IWS1: variants seen among roughly 807,000 people sequenced by gnomAD.
IWS1 encodes the protein interacts with SUPT6H, CTD assembly factor 1.
Under a neutral mutation model 86.7 loss-of-function variants are expected in IWS1, and 27 were observed. The observed-to-expected ratio is 0.31, with a 90% CI of 0.23 to 0.43. The LOEUF (loss-of-function observed/expected upper bound fraction) is 0.43, where lower values mean the gene tolerates loss of function less well. Among genes scored for constraint, IWS1 ranks in the 20% least tolerant of loss-of-function variants. IWS1 has a pLI of 1.00. For synonymous variants in IWS1, 313 were observed against 335.1 expected, an observed-to-expected ratio of 0.93 and a Z score of 0.72; for missense variants, 827 against 1,000.8, an observed-to-expected ratio of 0.83 and a Z score of 2.34.
At chr2:127,487,032 G>C (rs1160093667) in intron 12 of IWS1, among the ~76,000 whole-genome samples, 1 of 152,278 alleles carries the variant, frequency 6.6e-6, no homozygotes, top group South Asian at 2.1e-4. Context: ...GAGTTCACTT[G>C]TGAGATGAGG....
At position 127,489,354 on chromosome 2, in the gene IWS1, G is replaced by C. The variant is rs368627439; in HGVS notation, c.2160-119C>G. ...TTAATAGCTCTTTTACGATGGATCA[G>C]GGAAAATAATTCCTAATCTTTAAAA... On this transcript the variant is annotated intron_variant, in intron 11 of 13. Transcript: ENST00000295321. The surrounding 1 kb of genome is among the most constrained non-coding windows in gnomAD (Gnocchi z 4.8). 67 of 676,524 alleles carry C rather than the reference G, an allele frequency of 9.9e-5. No homozygotes were observed. In the African/African-American group the frequency reaches 1.2e-3, roughly 12 times the overall value. 41.9% of individuals were successfully genotyped at this position (676,524 alleles called of 1,614,324 possible).
At chr2:127,491,915 ATCTC>A in intron 10 of IWS1, 52 bp downstream of exon 10, 2 of 998,228 alleles carry the variant, frequency 2.0e-6, no homozygotes, top group East Asian at 2.4e-5. Context: ...ATATATACGC[ATCTC>A]TCTCTTATCT....
At chr2:127,525,762 G>C (rs974237011) in intron 1 of IWS1, among the ~76,000 whole-genome samples, 6 of 152,198 alleles carry the variant, frequency 3.9e-5, no homozygotes, top group Admixed American at 6.5e-5. Flanking sequence ...CTGCACTTAC[G>C]TCCGGTGTTG....
chr2:127,501,137 G>A (rs982719811), intron 5 of IWS1, among the ~76,000 whole-genome samples: 4 of 152,048 alleles, frequency 2.6e-5, no homozygotes, highest in African/African-American at 4.8e-5. Flanking sequence ...TTCCATCTGA[G>A]ATCATTCTTT....
At chr2:127,523,102 G>A (rs1044622000) in intron 2 of IWS1, among the ~76,000 whole-genome samples, 9 of 152,076 alleles carry the variant, frequency 5.9e-5, no homozygotes, top group Non-Finnish European at 7.4e-5. Flanking sequence ...CCAGCTACTC[G>A]GGAGGCTATG....
chr2:127,519,521 G>A (rs1691970122), intron 2 of IWS1, among the ~76,000 whole-genome samples: 2 of 151,370 alleles, frequency 1.3e-5, no homozygotes, highest in Non-Finnish European at 2.9e-5. Flanking sequence ...AATACTATAG[G>A]TGAAATGAAT....
At chr2:127,518,120 T>C (rs554782947) in intron 2 of IWS1, among the ~76,000 whole-genome samples, 18 of 152,202 alleles carry the variant, frequency 1.2e-4, no homozygotes, top group Admixed American at 2.6e-4. Flanking sequence ...GTTTCTTAGG[T>C]GATGAAATTC....
In IWS1 at chr2:127,489,952, A is replaced by T; in HGVS notation, c.2048-9T>A. On this transcript the variant is annotated splice_polypyrimidine_tract_variant and intron_variant, in intron 10 of 13. Coordinates refer to ENST00000295321, the MANE Select transcript of IWS1 (RefSeq NM_017969.3). This position sits in a 1 kb window ranked among gnomAD's most constrained non-coding sequence, Gnocchi z 4.8. ...AGGCCTAGACCACTCATCTGTAGTA[A>T]GAAAAAAATCAATTATTTTGTCCAT... 7.0e-7 allele frequency: 1 copy of T among 1,435,750 alleles called. No homozygotes were observed. The highest frequency in any genetic ancestry group is 9.8e-7 in the Non-Finnish European group (1 of 1,022,370). 88.9% of individuals were successfully genotyped at this position (1,435,750 alleles called of 1,614,324 possible).
At chr2:127,498,867 G>C (rs1189812694) in intron 5 of IWS1, 1 of 152,068 alleles carries the variant, frequency 6.6e-6, no homozygotes, top group Non-Finnish European at 1.5e-5. Flanking sequence ...TGGGGGTAAC[G>C]TTGGGCATTT....
chr2:127,521,065 C>T (rs949853814), intron 2 of IWS1, among the ~76,000 whole-genome samples: 3 of 152,224 alleles, frequency 2.0e-5, no homozygotes, highest in Non-Finnish European at 4.4e-5. Context: ...TGAGACCAGC[C>T]TGGCCAACAT....
At chr2:127,515,246 A>G (rs770880637) in intron 2 of IWS1, among the ~76,000 whole-genome samples, 12 of 152,226 alleles carry the variant, frequency 7.9e-5, no homozygotes, top group African/African-American at 1.9e-4. Context: ...TTGGTCATCA[A>G]TGATGGGGAG....
chr2:127,488,983 T>A (rs1409457966), intron 12 of IWS1, among the ~76,000 whole-genome samples, 196 bp downstream of exon 12: 1 of 152,166 alleles, frequency 6.6e-6, no homozygotes, highest in African/African-American at 2.4e-5. Context: ...AAAATCTTTA[T>A]TGAATGAATT....
intron 2 of IWS1, chr2:127,514,588 TTCC>T (rs1313812785): frequency 6.6e-6 from 1 of 152,324 alleles, no homozygotes; most frequent in African/African-American, 2.4e-5. Flanking sequence ...GGCTCTGCAG[TTCC>T]TGGCATCTCC....
chr2:127,515,887 C>G (rs1212177544), intron 2 of IWS1, among the ~76,000 whole-genome samples: 1 of 152,134 alleles, frequency 6.6e-6, no homozygotes, highest in Non-Finnish European at 1.5e-5. Context: ...AGGGCATCAG[C>G]ATCTCTCATC....
chr2:127,507,488 T>C (rs1236142531), intron 2 of IWS1, among the ~76,000 whole-genome samples: 1 of 152,204 alleles, frequency 6.6e-6, no homozygotes, highest in African/African-American at 2.4e-5. Context: ...ATTAGATTCC[T>C]TGTCAGTCAC....
At chr2:127,508,197 C>A (rs922443129) in intron 2 of IWS1, among the ~76,000 whole-genome samples, 1 of 152,136 alleles carries the variant, frequency 6.6e-6, no homozygotes, top group Non-Finnish European at 1.5e-5. Context: ...AGAATCCAGG[C>A]GGAGTATGTC....
At chr2:127,492,162 C>T in intron 9 of IWS1, 74 bp from the exon 10 acceptor site, 1 of 871,256 alleles carries the variant, frequency 1.1e-6, no homozygotes, top group Admixed American at 1.9e-5. Flanking sequence ...TTCTAGAGAC[C>T]TGGCACATTC....
rs754730658 is a variant in IWS1 at position 127,505,172 on chromosome 2, T to C, written c.731A>G (p.Lys244Arg). The part of the protein sequence containing the change: ...ASDSENEELP[K>R]PRISDSESED... The stretch of plus-strand genomic sequence containing the variant: ...ACTTTCTGAGTCACTGATACGAGGT[T>C]TGGGAAGCTCCTCATTTTCAGAGTC... The change falls in exon 3 of 14, where the codon AAA becomes AGA. Residue 244 changes from lysine (K) to arginine (R), a missense_variant. Around this residue, in one of 2 missense-constraint regions of IWS1, gnomAD observed 548 missense variants for 560.2 expected, o/e 0.98. Transcript: ENST00000295321. This position sits in a 1 kb window ranked among gnomAD's most constrained non-coding sequence, Gnocchi z 5.0. The C allele has an allele frequency of 5.0e-6, 8 of 1,613,634 alleles. No individual in the cohort carries two copies. The highest frequency in any genetic ancestry group is 3.3e-5 in the Admixed American group (2 of 59,906).
At chr2:127,516,852 A>G (rs1228229014) in intron 2 of IWS1, among the ~76,000 whole-genome samples, 2 of 151,966 alleles carry the variant, frequency 1.3e-5, no homozygotes, top group South Asian at 2.1e-4. Context: ...CGCATGGAAC[A>G]TTCTCCAGGA....
Sources: allele counts gnomAD v4.1 joint callset (sites outside exome capture counted in the v4.1 genomes callset), GRCh38; gene constraint gnomAD v4.1.1; regional missense constraint gnomAD v4.1.1; non-coding constraint Gnocchi (gnomAD v3.1); transcripts MANE v1.5; gene names NCBI Gene and HGNC (gene_info 2026-07-23, HGNC 2026-07-21).